OR56B1: variants seen among roughly 807,000 people sequenced by gnomAD.
OR56B1 encodes the protein olfactory receptor family 56 subfamily B member 1.
In OR56B1, 13 loss-of-function variants were observed where a neutral mutation model predicts 11.4. That is an observed-to-expected ratio of 1.14 (90% CI 0.74 to 1.81). The LOEUF (loss-of-function observed/expected upper bound fraction) is 1.81. Ranked by LOEUF, OR56B1 falls within the 40% of genes most tolerant of loss-of-function variation. OR56B1 has a pLI of 0.00. For missense variants in OR56B1, 434 were observed against 379.3 expected (o/e 1.14, Z -1.20); for synonymous variants, 158 against 143.6 (o/e 1.10, Z -0.72).
In OR56B1 at chr11:5,736,600, C is replaced by CCAG; in HGVS notation, c.84_85insCAG (p.Gly28_Ile29insGln). On this transcript the variant is annotated inframe_insertion, in exon 1 of 1. Transcript: ENST00000317121. ...AGTTCATCCTGCTGGGATTCCCGGG[C>CCAG]ATTCACAGCTGGCAACACTGGCTAT... 6.2e-7 allele frequency: 1 copy of CCAG among 1,613,986 alleles called. No homozygotes were observed.
In OR56B1 at chr11:5,736,790, G is replaced by A. The variant is rs1853919920; in HGVS notation, c.274G>A (p.Ala92Thr). Residue 92 changes from alanine to threonine, a missense_variant, in exon 1 of 1, where the codon GCC becomes ACC. Physicochemically the swap from Ala to Thr is moderately conservative, Grantham distance 58. Coordinates refer to ENST00000317121, the MANE Select transcript of OR56B1 (RefSeq NM_001005180.3). ...LATTIIPKILAIFWFDAKVIS... is the reference protein window; with the variant it reads ...LATTIIPKILTIFWFDAKVIS... ...CACTACTATCATCCCTAAGATCCTGGCCATCTTCTGGTTTGATGCCAAGGT... is the reference window on the plus strand; with the variant it reads ...CACTACTATCATCCCTAAGATCCTGACCATCTTCTGGTTTGATGCCAAGGT... The A allele has an allele frequency of 6.2e-7, 1 of 1,613,970 alleles. No individual in the cohort carries two copies.
At position 5,737,584 on chromosome 11, in the gene OR56B1, G is replaced by A. The variant is rs75720413; in HGVS notation, c.*93G>A. 9,922 of 1,154,922 alleles carry A rather than the reference G, an allele frequency of 8.6e-3. 566 individuals are homozygous for A. In the African/African-American group the frequency reaches 0.13, roughly 15 times the overall value. 71.5% of individuals were successfully genotyped at this position (1,154,922 alleles called of 1,614,324 possible). A position where few individuals can be genotyped will look rare whatever the true frequency, so the allele number is the denominator to read the frequency against. ...TAAATGAGTAAGTGAATACCTTTGG[G>A]ATTCCCTTTTTATATTTGTATGTAA... On this transcript the variant is annotated 3_prime_UTR_variant, in exon 1 of 1. Transcript: ENST00000317121.
In OR56B1 at chr11:5,738,460, T is replaced by A. The variant is rs981244741; in HGVS notation, c.*969T>A. On this transcript the variant is annotated 3_prime_UTR_variant, in exon 1 of 1. Transcript: ENST00000317121. ...GCCCAGCATCCATTATTTTTTAATA[T>A]CCACTTGTTTTCTTAAACAACCTAC... is the stretch of plus-strand genomic sequence containing the variant. 1 of 62,302 alleles carries A rather than the reference T, an allele frequency of 1.6e-5. No individual in the cohort carries two copies. The highest frequency in any genetic ancestry group is 3.8e-5 in the Non-Finnish European group (1 of 26,630). The allele number at this position is 62,302 out of a possible 1,614,324, so 3.9% of individuals were successfully genotyped here. A position where few individuals can be genotyped will look rare whatever the true frequency, so the allele number is the denominator to read the frequency against.
At position 5,736,460 on chromosome 11, in the gene OR56B1, T is replaced by C; in HGVS notation, c.-57T>C. ...ACTACAATTTTATTTCTGTGGTGGTTCCAACCTGTGATAACTGAGAACAAT... is the reference window on the plus strand; with the variant it reads ...ACTACAATTTTATTTCTGTGGTGGTCCCAACCTGTGATAACTGAGAACAAT... On this transcript the variant is annotated 5_prime_UTR_variant, in exon 1 of 1. Coordinates refer to ENST00000317121, the MANE Select transcript of OR56B1 (RefSeq NM_001005180.3). 2 of 1,504,316 alleles carry C rather than the reference T, an allele frequency of 1.3e-6. No individual in the cohort carries two copies. The highest frequency in any genetic ancestry group is 9.2e-7 in the Non-Finnish European group (1 of 1,086,902). 93.2% of individuals were successfully genotyped at this position (1,504,316 alleles called of 1,614,324 possible). A position where few individuals can be genotyped will look rare whatever the true frequency, so the allele number is the denominator to read the frequency against.
In OR56B1 at chr11:5,737,268, G is replaced by C; in HGVS notation, c.752G>C (p.Ser251Thr). The C allele has an allele frequency of 6.2e-7, 1 of 1,614,118 alleles. No individual in the cohort carries two copies. The change falls in exon 1 of 1, where the codon AGT becomes ACT. Residue 251 changes from serine (S) to threonine (T), a missense_variant. Ser to Thr is a moderately conservative substitution (Grantham distance 58). Transcript: ENST00000317121. ...EAAAKALSTC[S>T]SHLTLILFFY... ...GCAGCCAAGGCCCTGAGCACTTGTAGTTCACATCTCACCCTCATCCTTTTC... is the reference window on the plus strand; with the variant it reads ...GCAGCCAAGGCCCTGAGCACTTGTACTTCACATCTCACCCTCATCCTTTTC...
chr11:5,736,827 C>T lies in OR56B1; in HGVS notation c.311C>T (p.Pro104Leu). ...FWFDAKVISLPECFAQIYAIH... is the reference protein window; with the variant it reads ...FWFDAKVISLLECFAQIYAIH... ...TTTGATGCCAAGGTTATTAGCCTCC[C>T]TGAGTGCTTTGCTCAGATTTATGCC... is the stretch of plus-strand genomic sequence containing the variant. Residue 104 changes from proline (P) to leucine (L), a missense_variant, in exon 1 of 1, where the codon CCT becomes CTT. By Grantham distance (98) the Pro-to-Leu change is moderately conservative. Transcript: ENST00000317121. 6.2e-7 allele frequency: 1 copy of T among 1,613,972 alleles called. No homozygotes were observed. The highest frequency in any genetic ancestry group is 8.5e-7 in the Non-Finnish European group (1 of 1,179,976).
At position 5,737,725 on chromosome 11, in the gene OR56B1, T is replaced by C. The variant is rs1853947436; in HGVS notation, c.*234T>C. The C allele has an allele frequency of 2.5e-6, 1 of 408,052 alleles. No homozygotes were observed. The highest frequency in any genetic ancestry group is 4.0e-5 in the Admixed American group (1 of 25,048). 25.3% of individuals were successfully genotyped at this position (408,052 alleles called of 1,614,324 possible). A position where few individuals can be genotyped will look rare whatever the true frequency, so the allele number is the denominator to read the frequency against. On this transcript the variant is annotated 3_prime_UTR_variant, in exon 1 of 1. Coordinates refer to ENST00000317121, the MANE Select transcript of OR56B1 (RefSeq NM_001005180.3). ...GGAAGAAATTTCTGCCAAATCAAAT[T>C]GGATTTAAAGAACTTAATGATTGAT...
At position 5,736,908 on chromosome 11, in the gene OR56B1, G is replaced by T. The variant is rs1338835802; in HGVS notation, c.392G>T (p.Arg131Ile). 2 of 1,614,056 alleles carry T rather than the reference G, an allele frequency of 1.2e-6. No homozygotes were observed. The highest frequency in any genetic ancestry group is 3.3e-5 in the Admixed American group (2 of 59,978). The part of the protein sequence containing the change: ...SGILLCMAFD[R>I]YVAICHPLRY... ...ATCCTACTCTGCATGGCTTTTGATA[G>T]ATATGTGGCTATTTGTCACCCTCTT... Residue 131 changes from arginine (R) to isoleucine (I), a missense_variant, in exon 1 of 1, where the codon AGA (arginine) becomes ATA (isoleucine). Arg to Ile is a moderately conservative substitution (Grantham distance 97, BLOSUM62 -3). Coordinates refer to ENST00000317121, the MANE Select transcript of OR56B1 (RefSeq NM_001005180.3).
Position 5,736,699 on chromosome 11 carries a change from C to CCCTT in OR56B1, c.185_188dup (p.Leu64PhefsTer27). 6.2e-7 allele frequency: 1 copy of CCCTT among 1,613,996 alleles called. No homozygotes were observed. Among genetic ancestry groups the CCCTT allele is most frequent in the Non-Finnish European group, 8.5e-7 (1 of 1,179,982 alleles). On this transcript the variant is annotated frameshift_variant, in exon 1 of 1. Transcript: ENST00000317121. LOFTEE classifies it high-confidence loss of function. ...TCATCCTCATCATCATCTGGCAGAA[C>CCCTT]CCTTCTTTACAGCAGCCCATGTATA...
chr11:5,737,647 C>A lies in OR56B1; in HGVS notation c.*156C>A. On this transcript the variant is annotated 3_prime_UTR_variant, in exon 1 of 1. Transcript: ENST00000317121. ...GCTTCAGAAAAGATACAAAAAATCACAGTAGCCTAAAATATTGACAAAAGC... is the reference window on the plus strand; with the variant it reads ...GCTTCAGAAAAGATACAAAAAATCAAAGTAGCCTAAAATATTGACAAAAGC... 4.8e-6 allele frequency: 3 copies of A among 629,382 alleles called. No individual in the cohort carries two copies. 39.0% of individuals were successfully genotyped at this position (629,382 alleles called of 1,614,324 possible).
chr11:5,737,360 G>C lies in OR56B1; in HGVS notation c.844G>C (p.Val282Leu), dbSNP rs1349599698. ...AGAGATGAAGGCTACTTTGATTCCA[G>C]TTCTACTTAATGTGTTGCACAACAT... is the stretch of plus-strand genomic sequence containing the variant. ...LTEMKATLIP[V>L]LLNVLHNIIP... Residue 282 changes from valine (V) to leucine (L), a missense_variant, in exon 1 of 1, where the codon GTT becomes CTT. Val to Leu is a conservative substitution (Grantham distance 32). Coordinates refer to ENST00000317121, the MANE Select transcript of OR56B1 (RefSeq NM_001005180.3). 6.2e-7 allele frequency: 1 copy of C among 1,614,088 alleles called. No homozygotes were observed. Among genetic ancestry groups the C allele is most frequent in the Non-Finnish European group, 8.5e-7 (1 of 1,179,978 alleles).
rs771999913 is a variant in OR56B1, at chr11:5,737,340, T to C, written c.824T>C (p.Met275Thr). 3.7e-6 allele frequency: 6 copies of C among 1,614,154 alleles called. No homozygotes were observed. The highest frequency in any genetic ancestry group is 3.3e-5 in the Admixed American group (2 of 60,018). The change falls in exon 1 of 1, where the codon ATG becomes ACG. Residue 275 changes from methionine to threonine, a missense_variant. Physicochemically the swap from Met to Thr is moderately conservative, Grantham distance 81. Transcript: ENST00000317121. Reference protein sequence around the residue: ...VVISVTHLTEMKATLIPVLLN... With the variant: ...VVISVTHLTETKATLIPVLLN... ...ATTTCAGTGACTCATCTGACAGAGA[T>C]GAAGGCTACTTTGATTCCAGTTCTA...
chr11:5,736,692 G>T lies in OR56B1; in HGVS notation c.176G>T (p.Trp59Leu), dbSNP rs1191010353. 5.0e-6 allele frequency: 8 copies of T among 1,613,818 alleles called. No homozygotes were observed. In the South Asian group the frequency reaches 6.6e-5, roughly 13 times the overall value. ...AACACCCTCATCCTCATCATCATCT[G>T]GCAGAACCCTTCTTTACAGCAGCCC... ...AANTLILIII[W>L]QNPSLQQPMY... Residue 59 changes from tryptophan to leucine, a missense_variant, in exon 1 of 1, where the codon TGG becomes TTG. Coordinates refer to ENST00000317121, the MANE Select transcript of OR56B1 (RefSeq NM_001005180.3).
rs775291066 is a variant in OR56B1 at position 5,736,861 on chromosome 11, C to T, written c.345C>T (p.Phe115=). 3 of 1,614,018 alleles carry T rather than the reference C, an allele frequency of 1.9e-6. No individual in the cohort carries two copies. Among genetic ancestry groups the T allele is most frequent in the Non-Finnish European group, 2.5e-6 (3 of 1,179,986 alleles). The change falls in exon 1 of 1, where the codon TTC becomes TTT. Residue 115 remains phenylalanine (F), a synonymous_variant. Coordinates refer to ENST00000317121, the MANE Select transcript of OR56B1 (RefSeq NM_001005180.3). ...ECFAQIYAIH[F]FVGMESGILL... is the part of the protein sequence containing the mutation. ...TTGCTCAGATTTATGCCATTCACTT[C>T]TTTGTGGGCATGGAGTCTGGTATCC...
chr11:5,737,477 G>T lies in OR56B1; in HGVS notation c.961G>T (p.Glu321Ter), dbSNP rs774831304. The change falls in exon 1 of 1, where the codon GAA (glutamate) becomes TAA (stop). Residue 321 changes from glutamate (E) to a stop codon, truncating the protein, a stop_gained. Transcript: ENST00000317121. LOFTEE classifies it high-confidence loss of function. ...AAAGGTGCTGTTTGCCCTTACAAAA[G>T]AAATAAGATCTTAGAGACCTTCTCC... ...FQKVLFALTK[E>*]IRS The T allele has an allele frequency of 6.2e-7, 1 of 1,610,284 alleles. No homozygotes were observed. Among genetic ancestry groups the T allele is most frequent in the Admixed American group, 1.7e-5 (1 of 59,602 alleles).
In OR56B1 at chr11:5,736,645, G is replaced by A. The variant is rs1169004457; in HGVS notation, c.129G>A (p.Leu43=). The change falls in exon 1 of 1, where the codon CTG becomes CTA. Residue 43 remains leucine (L), a synonymous_variant. Transcript: ENST00000317121. ...GGCTATCTCTGCCCCTGGCACTACT[G>A]TATCTCTCAGCACTTGCTGCAAACA... ...QHWLSLPLAL[L]YLSALAANTL... is the part of the protein sequence containing the mutation. The A allele has an allele frequency of 3.1e-6, 5 of 1,613,850 alleles. No homozygotes were observed. The Admixed American group carries it at 8.3e-5, about 27-fold the overall frequency.
In OR56B1 at chr11:5,736,553, A is replaced by G; in HGVS notation, c.37A>G (p.Ser13Gly). The G allele has an allele frequency of 1.9e-6, 3 of 1,613,858 alleles. No homozygotes were observed. Among genetic ancestry groups the G allele is most frequent in the Non-Finnish European group, 2.5e-6 (3 of 1,179,800 alleles). Residue 13 changes from serine (S) to glycine (G), a missense_variant, in exon 1 of 1, where the codon AGC becomes GGC. By Grantham distance (56) the Ser-to-Gly change is moderately conservative. Coordinates refer to ENST00000317121, the MANE Select transcript of OR56B1 (RefSeq NM_001005180.3). ...GTCTGCATCTCTCAAAATCTCCAATAGCTCCAAATTCCAGGTCTCTGAGTT... is the reference window on the plus strand; with the variant it reads ...GTCTGCATCTCTCAAAATCTCCAATGGCTCCAAATTCCAGGTCTCTGAGTT... ...HMSASLKISN[S>G]SKFQVSEFIL...
Position 5,737,266 on chromosome 11 carries a change from T to C in OR56B1, c.750T>C (p.Cys250=). ...CTGCAGCCAAGGCCCTGAGCACTTG[T>C]AGTTCACATCTCACCCTCATCCTTT... The part of the protein sequence containing the change: ...AEAAAKALST[C]SSHLTLILFF... The change falls in exon 1 of 1, where the codon TGT becomes TGC. Residue 250 remains cysteine, a synonymous_variant. Coordinates refer to ENST00000317121, the MANE Select transcript of OR56B1 (RefSeq NM_001005180.3). The C allele has an allele frequency of 2.5e-6, 4 of 1,614,150 alleles. No homozygotes were observed. Among genetic ancestry groups the C allele is most frequent in the Non-Finnish European group, 3.4e-6 (4 of 1,179,982 alleles).
Position 5,736,814 on chromosome 11 carries a change from G to C in OR56B1, c.298G>C (p.Val100Leu). ...ILAIFWFDAK[V>L]ISLPECFAQI... ...GGCCATCTTCTGGTTTGATGCCAAGGTTATTAGCCTCCCTGAGTGCTTTGC... is the reference window on the plus strand; with the variant it reads ...GGCCATCTTCTGGTTTGATGCCAAGCTTATTAGCCTCCCTGAGTGCTTTGC... The change falls in exon 1 of 1, where the codon GTT becomes CTT. Residue 100 changes from valine (V) to leucine (L), a missense_variant. Transcript: ENST00000317121. 6.2e-7 allele frequency: 1 copy of C among 1,613,964 alleles called. No individual in the cohort carries two copies. The highest frequency in any genetic ancestry group is 8.5e-7 in the Non-Finnish European group (1 of 1,179,976).
Sources: gnomAD v4.1 joint callset for allele counts on GRCh38, gnomAD v4.1.1 for gene constraint, MANE v1.5 for transcripts, NCBI Gene and HGNC (gene_info 2026-07-23, HGNC 2026-07-21) for gene names.